The following EAF2 variants were observed in gnomAD, a reference collection of about 807,000 sequenced individuals.
EAF2 encodes ELL associated factor 2, also known as ELL-associated factor 2.
EAF2 carries 29 observed loss-of-function variants against 29.4 expected under a neutral mutation model. The observed-to-expected ratio is 0.99, with a 90% CI of 0.73 to 1.35. EAF2 has a LOEUF of 1.35. EAF2 is among the 40% of genes most tolerant of loss of function. The pLI, the probability that EAF2 is intolerant of heterozygous loss-of-function variation, is 0.00. For missense variants in EAF2, 292 were observed against 312.0 expected, an observed-to-expected ratio of 0.94 and a Z score of 0.48; for synonymous variants, 103 against 102.5, an observed-to-expected ratio of 1.00 and a Z score of -0.03.
chr3:121,885,511 C>T (rs143140552), intron 5 of EAF2, among the ~76,000 whole-genome samples: 1,632 of 152,282 alleles, frequency 0.011, 41 homozygotes, highest in Non-Finnish European at 8.7e-3. Flanking sequence ...TTTACCATGA[C>T]CTTGTGGATA....
chr3:121,879,081 T>C (rs1043947806), intron 5 of EAF2, among the ~76,000 whole-genome samples: 7 of 152,220 alleles, frequency 4.6e-5, no homozygotes, highest in Admixed American at 1.3e-4. Context: ...TGAGATGATG[T>C]CTCATTATGC....
At chr3:121,856,231 C>T (rs1253378576) in intron 3 of EAF2, among the ~76,000 whole-genome samples, 2 of 151,544 alleles carry the variant, frequency 1.3e-5, no homozygotes, top group East Asian at 1.9e-4. Flanking sequence ...TTAGAACTTA[C>T]GGAATATATC....
chr3:121,879,945 T>C (rs1196981538), intron 5 of EAF2, among the ~76,000 whole-genome samples: 4 of 152,172 alleles, frequency 2.6e-5, no homozygotes, highest in African/African-American at 4.8e-5. Flanking sequence ...TGATAGGTAT[T>C]GCATTGGATC....
chr3:121,836,886 A>G, intron 1 of EAF2: 1 of 765,538 alleles, frequency 1.3e-6, no homozygotes, highest in African/African-American at 1.9e-5. Flanking sequence ...TGATTTGGGT[A>G]TATATTCTCT....
At chr3:121,848,585 T>G (rs1708571864) in intron 2 of EAF2, among the ~76,000 whole-genome samples, 1 of 61,974 alleles carries the variant, frequency 1.6e-5, no homozygotes, top group Non-Finnish European at 3.9e-5. Context: ...GCAGGATCAC[T>G]TTTTTTTTAG....
intron 5 of EAF2, among the ~76,000 whole-genome samples, chr3:121,885,425 A>G (rs1035484735): frequency 6.6e-6 from 1 of 152,176 alleles, no homozygotes; most frequent in African/African-American, 2.4e-5. Flanking sequence ...ACTGATCTAC[A>G]ACCGGTTTTA....
chr3:121,868,717 G>T (rs570207842), intron 4 of EAF2, among the ~76,000 whole-genome samples: 1 of 152,174 alleles, frequency 6.6e-6, no homozygotes, highest in Non-Finnish European at 1.5e-5. Context: ...TGAGAAAAAC[G>T]TGAAGCAAAA....
chr3:121,846,819 A>G (rs1165863377), intron 2 of EAF2, among the ~76,000 whole-genome samples: 1 of 151,952 alleles, frequency 6.6e-6, no homozygotes, highest in African/African-American at 2.4e-5. Context: ...GAGGTTTCTT[A>G]TGTTTAATAA....
intron 4 of EAF2, among the ~76,000 whole-genome samples, chr3:121,860,291 G>A (rs896995634): frequency 5.3e-5 from 8 of 152,200 alleles, no homozygotes; most frequent in East Asian, 1.9e-4. Context: ...CTGTGAATCC[G>A]TCTGGTCCTG....
At chr3:121,854,863 A>C in intron 3 of EAF2, 40 bp downstream of exon 3, 1 of 1,467,510 alleles carries the variant, frequency 6.8e-7, no homozygotes, top group Non-Finnish European at 9.0e-7. Flanking sequence ...ATAAACATAA[A>C]TTTCTAAGGA....
intron 2 of EAF2, 30 bp from the exon 3 acceptor site, chr3:121,854,657 T>TCC: frequency 6.7e-7 from 1 of 1,481,744 alleles, no homozygotes. Context: ...ATGATAAATT[T>TCC]TAAGTAATAA....
chr3:121,844,222 G>T (rs1224968414), intron 1 of EAF2, among the ~76,000 whole-genome samples: 1 of 152,152 alleles, frequency 6.6e-6, no homozygotes, highest in Non-Finnish European at 1.5e-5. Flanking sequence ...GGAAGCATGA[G>T]TGTCAGTAAT....
chr3:121,840,922 C>T (rs34973765), intron 1 of EAF2, among the ~76,000 whole-genome samples: 4,582 of 151,092 alleles, frequency 0.03, 110 homozygotes, highest in Non-Finnish European at 0.05. Flanking sequence ...CTGGGTAGTA[C>T]GGAAAGGACT....
At chr3:121,860,029 A>C (rs1708797525) in intron 4 of EAF2, among the ~76,000 whole-genome samples, 1 of 152,184 alleles carries the variant, frequency 6.6e-6, no homozygotes, top group Admixed American at 6.5e-5. Context: ...AGCCGACTTG[A>C]TCATGGTGGA....
chr3:121,879,398 C>T (rs1408265212), intron 5 of EAF2, among the ~76,000 whole-genome samples: 1 of 151,910 alleles, frequency 6.6e-6, no homozygotes, highest in Non-Finnish European at 1.5e-5. Context: ...GATGTGATCC[C>T]ACTTGTCTAC....
intron 2 of EAF2, among the ~76,000 whole-genome samples, chr3:121,845,953 T>C (rs973795222): frequency 6.6e-6 from 1 of 152,190 alleles, no homozygotes; most frequent in African/African-American, 2.4e-5. Context: ...TAAGTTTCTT[T>C]TTCTTTTCTT....
At chr3:121,867,253 T>C (rs1018540101) in intron 4 of EAF2, among the ~76,000 whole-genome samples, 40 of 152,026 alleles carry the variant, frequency 2.6e-4, no homozygotes, top group Admixed American at 2.0e-3. Flanking sequence ...TGCAAAAACT[T>C]CCCAAGTTTT....
At chr3:121,879,250 T>C (rs1454581084) in intron 5 of EAF2, among the ~76,000 whole-genome samples, 2 of 152,154 alleles carry the variant, frequency 1.3e-5, no homozygotes, top group Admixed American at 6.6e-5. Context: ...CTTTGGCCAT[T>C]GAGTTGTTTG....
chr3:121,855,113 T>C (rs1211600008), intron 3 of EAF2, among the ~76,000 whole-genome samples: 1 of 152,162 alleles, frequency 6.6e-6, no homozygotes, highest in Non-Finnish European at 1.5e-5. Flanking sequence ...AAGGAAGCCA[T>C]TATACATTCT....
Sources: gnomAD v4.1 joint callset for allele counts (sites outside exome capture counted in the v4.1 genomes callset) on GRCh38, gnomAD v4.1.1 for gene constraint, MANE v1.5 for transcripts, NCBI Gene and HGNC (gene_info 2026-07-23, HGNC 2026-07-21) for gene names.